Variants in GLUL observed in about 807,000 individuals in gnomAD.
GLUL encodes the protein glutamine synthetase.
In GLUL, 8 loss-of-function variants were observed where a neutral mutation model predicts 36.9. That is an observed-to-expected ratio of 0.22 (90% confidence interval 0.13 to 0.39). GLUL has a LOEUF of 0.39. Among genes scored for constraint, GLUL ranks in the 10% least tolerant of loss-of-function variants. GLUL has a pLI of 1.00. For synonymous variants in GLUL, 182 were observed against 172.8 expected (o/e 1.05, Z -0.42); for missense variants, 315 against 501.8 (o/e 0.63, Z 3.56).
chr1:182,387,991 T>C (rs555769658), intron 2 of GLUL, among the ~76,000 whole-genome samples: 2 of 152,338 alleles, frequency 1.3e-5, no homozygotes, highest in Admixed American at 6.5e-5. Context: ...CTGGCCCCTT[T>C]CCAGAAGAGG....
In GLUL at chr1:182,385,877, G is replaced by A; in HGVS notation, c.486C>T (p.Tyr162=). Residue 162 remains tyrosine, a synonymous_variant, in exon 5 of 7, where the codon TAC becomes TAT. Coordinates refer to ENST00000331872, the MANE Select transcript of GLUL (RefSeq NM_001033044.4). Reference sequence around the variant, plus strand: ...AGGCTCTGTCTGCTCCCACACCACAGTAATATGGACCTACAGAAGCATCAG... The same window carrying A: ...AGGCTCTGTCTGCTCCCACACCACAATAATATGGACCTACAGAAGCATCAG... ...NGFPGPQGPY[Y]CGVGADRAYG... 6.2e-7 allele frequency: 1 copy of A among 1,613,704 alleles called. No individual in the cohort carries two copies. The highest frequency in any genetic ancestry group is 8.5e-7 in the Non-Finnish European group (1 of 1,179,604).
Position 182,381,584 on chromosome 1 carries a change from G to A in GLUL, c.*2821C>T, listed in dbSNP as rs148588997. On this transcript the variant is annotated 3_prime_UTR_variant, in exon 7 of 7. Coordinates refer to ENST00000331872, the MANE Select transcript of GLUL (RefSeq NM_001033044.4). Reference sequence around the variant, plus strand: ...AGGTCAAAGCTAATTCTAGGTGAGAGGGTGAAGAAACAAATATGCTGGTTG... The same window carrying A: ...AGGTCAAAGCTAATTCTAGGTGAGAAGGTGAAGAAACAAATATGCTGGTTG... 2.6e-5 allele frequency: 4 copies of A among 152,160 alleles called. No individual in the cohort carries two copies. Among genetic ancestry groups the A allele is most frequent in the Non-Finnish European group, 5.9e-5 (4 of 68,024 alleles). The allele number at this position is 152,160 out of a possible 1,614,324, so 9.4% of individuals were successfully genotyped here.
chr1:182,379,702 T>C lies in GLUL; in HGVS notation c.*4703A>G, dbSNP rs1254040268. ...GGTGCATGCCACCACGCCCAGCTAATTTTTCGTATTTTTTGTAGAGATGGG... is the reference window on the plus strand; with the variant it reads ...GGTGCATGCCACCACGCCCAGCTAACTTTTCGTATTTTTTGTAGAGATGGG... On this transcript the variant is annotated 3_prime_UTR_variant, in exon 7 of 7. Coordinates refer to ENST00000331872, the MANE Select transcript of GLUL (RefSeq NM_001033044.4). Among the ~76,000 whole-genome samples the C allele has an allele frequency of 6.6e-6, 1 of 151,738 alleles. No individual in the cohort carries two copies. The highest frequency in any genetic ancestry group is 2.4e-5 in the African/African-American group (1 of 41,276).
chr1:182,385,376 G>C lies in GLUL; in HGVS notation c.784C>G (p.Arg262Gly). 6.2e-7 allele frequency: 1 copy of C among 1,612,924 alleles called. No individual in the cohort carries two copies. Among genetic ancestry groups the C allele is most frequent in the Non-Finnish European group, 8.5e-7 (1 of 1,178,996 alleles). Residue 262 changes from arginine to glycine, a missense_variant, in exon 6 of 7, where the codon CGG (arginine) becomes GGG (glycine). Physicochemically the swap from Arg to Gly is moderately radical, Grantham distance 125 (BLOSUM62 -2). Coordinates refer to ENST00000331872, the MANE Select transcript of GLUL (RefSeq NM_001033044.4). ...ACTCACTTCAGACCATTCTCCTCCCGCATGGCCTTGGTGCTGAAGTTGGTA... is the reference window on the plus strand; with the variant it reads ...ACTCACTTCAGACCATTCTCCTCCCCCATGGCCTTGGTGCTGAAGTTGGTA... ...CHTNFSTKAM[R>G]EENGLKYIEE... is the part of the protein sequence containing the mutation.
Position 182,379,616 on chromosome 1 carries a change from A to G in GLUL, c.*4789T>C, listed in dbSNP as rs1206820841. 6.6e-6 allele frequency among the ~76,000 whole-genome samples: 1 copy of G among 151,452 alleles called. No individual in the cohort carries two copies. The highest frequency in any genetic ancestry group is 6.6e-5 in the Admixed American group (1 of 15,174). ...CAGACTGGAGGGCAGTGGCACAACC[A>G]TGGCTCACTGCAGCTTCAAGTAATC... On this transcript the variant is annotated 3_prime_UTR_variant, in exon 7 of 7. Transcript: ENST00000331872.
At chr1:182,387,484 G>C (rs1650233711) in intron 2 of GLUL, among the ~76,000 whole-genome samples, 192 bp from the exon 3 acceptor site, 1 of 152,100 alleles carries the variant, frequency 6.6e-6, no homozygotes, top group Non-Finnish European at 1.5e-5. Context: ...TCCTATTTGA[G>C]TTCCAAGTAA....
rs1649894803 is a variant in GLUL, at chr1:182,380,624, G to A, written c.*3781C>T. Among the ~76,000 whole-genome samples the A allele has an allele frequency of 6.6e-6, 1 of 152,184 alleles. No homozygotes were observed. Among genetic ancestry groups the A allele is most frequent in the African/African-American group, 2.4e-5 (1 of 41,462 alleles). On this transcript the variant is annotated 3_prime_UTR_variant, in exon 7 of 7. Transcript: ENST00000331872. ...ATTCTTTTTAAGCTCAATAAAAATG[G>A]AACTTTGTCTTGCTGTCATGGCCAG...
In GLUL at chr1:182,384,094, A is replaced by G; in HGVS notation, c.*311T>C. ...TTCTGCAAACGTGCTCTGTCCGGAT[A>G]GCTACGCCTATTGGACAGGTGCACC... On this transcript the variant is annotated 3_prime_UTR_variant, in exon 7 of 7. Transcript: ENST00000331872. 2.6e-6 allele frequency: 1 copy of G among 390,346 alleles called. No individual in the cohort carries two copies. The highest frequency in any genetic ancestry group is 4.9e-6 in the Non-Finnish European group (1 of 205,206). 24.2% of individuals were successfully genotyped at this position (390,346 alleles called of 1,614,324 possible).
rs1650185258 is a variant in GLUL at position 182,386,419 on chromosome 1, A to G, written c.329-17T>C. On this transcript the variant is annotated splice_polypyrimidine_tract_variant and intron_variant, in intron 3 of 6. Transcript: ENST00000331872. ...AATTGGTCTCTAGAAAAAAGAGTCA[A>G]TAATACGCCATCAGGGATCTAAAGA... is the stretch of plus-strand genomic sequence containing the variant. 6.3e-7 allele frequency: 1 copy of G among 1,581,032 alleles called. No individual in the cohort carries two copies.
In GLUL at chr1:182,380,720, TTATTAA is replaced by T. The variant is rs560953748; in HGVS notation, c.*3679_*3684del. Among the ~76,000 whole-genome samples, 1 of 152,234 alleles carries T rather than the reference TTATTAA, an allele frequency of 6.6e-6. No homozygotes were observed. Among genetic ancestry groups the T allele is most frequent in the Non-Finnish European group, 1.5e-5 (1 of 68,050 alleles). On this transcript the variant is annotated 3_prime_UTR_variant, in exon 7 of 7. Coordinates refer to ENST00000331872, the MANE Select transcript of GLUL (RefSeq NM_001033044.4). The stretch of plus-strand genomic sequence containing the variant: ...CACAAAACTGATACTTAAAAATAAC[TTATTAA>T]ATAAGTATTGCAGGCACTACAACAG...
chr1:182,384,929 T>C (rs1468400134), intron 6 of GLUL: 5 of 608,036 alleles, frequency 8.2e-6, no homozygotes, highest in Non-Finnish European at 1.5e-5. Context: ...CATTTGAAAC[T>C]TTCTCCCCCT....
intron 3 of GLUL, chr1:182,386,890 C>A: frequency 1.7e-6 from 1 of 572,642 alleles, no homozygotes; most frequent in Non-Finnish European, 3.1e-6. Context: ...GACTCCAAGA[C>A]CGGCAAACAG....
intron 1 of GLUL, chr1:182,391,311 G>A (rs1005127047): frequency 2.3e-5 from 9 of 398,218 alleles, no homozygotes; most frequent in African/African-American, 1.2e-4. Flanking sequence ...GGACCGCACC[G>A]CCACTCCATC....
At chr1:182,387,683 T>C (rs1056926347) in intron 2 of GLUL, among the ~76,000 whole-genome samples, 1 of 152,206 alleles carries the variant, frequency 6.6e-6, no homozygotes, top group African/African-American at 2.4e-5. Context: ...CAGTGTATTC[T>C]GGCAAGTTAT....
chr1:182,391,596 A>G (rs1022033113), intron 1 of GLUL, 83 bp downstream of exon 1: 3 of 185,644 alleles, frequency 1.6e-5, no homozygotes, highest in Non-Finnish European at 3.3e-5. Flanking sequence ...GGCAGCCGAA[A>G]AAAGAGGCTG....
Position 182,384,627 on chromosome 1 carries a change from T to C in GLUL, c.900A>G (p.Leu300=). Residue 300 remains leucine, a synonymous_variant, in exon 7 of 7, where the codon CTA becomes CTG. Coordinates refer to ENST00000331872, the MANE Select transcript of GLUL (RefSeq NM_001033044.4). ...PKGGLDNARR[L]TGFHETSNIN... Reference sequence around the variant, plus strand: ...TGTTGGAGGTTTCATGGAATCCAGTTAGACGTCGGGCATTGTCCAGGCCTC... The same window carrying C: ...TGTTGGAGGTTTCATGGAATCCAGTCAGACGTCGGGCATTGTCCAGGCCTC... The C allele has an allele frequency of 6.2e-7, 1 of 1,614,176 alleles. No individual in the cohort carries two copies. Among genetic ancestry groups the C allele is most frequent in the Non-Finnish European group, 8.5e-7 (1 of 1,180,012 alleles).
chr1:182,380,051 T>C lies in GLUL; in HGVS notation c.*4354A>G, dbSNP rs2101925379. 6.6e-6 allele frequency among the ~76,000 whole-genome samples: 1 copy of C among 152,020 alleles called. No homozygotes were observed. The highest frequency in any genetic ancestry group is 2.1e-4 in the South Asian group (1 of 4,808). On this transcript the variant is annotated 3_prime_UTR_variant, in exon 7 of 7. Transcript: ENST00000331872. Reference sequence around the variant, plus strand: ...TAGAGACACAGCTTGTTTCACCATATTGGCCCGGCTGGTCTCAAACTCCCG... The same window carrying C: ...TAGAGACACAGCTTGTTTCACCATACTGGCCCGGCTGGTCTCAAACTCCCG...
rs949311805 is a variant in GLUL, at chr1:182,391,768, G to C, written c.-103C>G. The C allele has an allele frequency of 1.3e-5, 2 of 152,368 alleles. No homozygotes were observed. Among genetic ancestry groups the C allele is most frequent in the South Asian group, 4.1e-4 (2 of 4,830 alleles). The allele number at this position is 152,368 out of a possible 1,614,324, so 9.4% of individuals were successfully genotyped here. ...GGCCGCAGTACTGCTCACACGCTCC[G>C]CTCTTCTCCCACTCTCGACTCTGCA... On this transcript the variant is annotated 5_prime_UTR_variant, in exon 1 of 7. Transcript: ENST00000331872.
rs145293725 is a variant in GLUL at position 182,390,671 on chromosome 1, G to C, written c.-14+1008C>G. 1.0e-4 allele frequency: 40 copies of C among 399,252 alleles called. No individual in the cohort carries two copies. In the East Asian group the frequency reaches 1.4e-3, roughly 14 times the overall value. The allele number at this position is 399,252 out of a possible 1,614,324, so 24.7% of individuals were successfully genotyped here. ...ACAGCGGCCGGCCCGGGGGGTGTCC[G>C]AACAGGCAGGTTGGTGGGTTAAGGT... On this transcript the variant is annotated intron_variant, in intron 1 of 6. Transcript: ENST00000331872.
Sources: gnomAD v4.1 joint callset for allele counts (sites outside exome capture counted in the v4.1 genomes callset) on GRCh38, gnomAD v4.1.1 for gene constraint, MANE v1.5 for transcripts, NCBI Gene and HGNC (gene_info 2026-07-23, HGNC 2026-07-21) for gene names.